LRRC28: variants seen among roughly 807,000 people sequenced by gnomAD.
The protein encoded by LRRC28 is leucine rich repeat containing 28.
A neutral mutation model predicts 45.7 loss-of-function variants in LRRC28; 39 were observed. The observed-to-expected ratio is 0.85, with a 90% CI of 0.66 to 1.12. The LOEUF (loss-of-function observed/expected upper bound fraction) is 1.12. LRRC28 is among the 50% of genes most tolerant of loss of function. The pLI is 0.00. For missense variants in LRRC28, 435 were observed against 438.5 expected (o/e 0.99, Z 0.07); for synonymous variants, 206 against 178.8 (o/e 1.15, Z -1.22).
At chr15:99,348,747 G>GT (rs34810764) in intron 6 of LRRC28, among the ~76,000 whole-genome samples, 6,824 of 115,870 alleles carry the variant, frequency 0.059, 226 homozygotes, top group South Asian at 0.11. Context: ...TTTTTTTGTT[G>GT]TTTTTTTTTT....
chr15:99,286,737 A>G (rs2081969372), intron 3 of LRRC28: 1 of 152,288 alleles, frequency 6.6e-6, no homozygotes, highest in Admixed American at 6.5e-5. Context: ...GCCATGAAAT[A>G]AATTCTGTAC....
intron 9 of LRRC28, among the ~76,000 whole-genome samples, chr15:99,379,470 G>A (rs1454798806): frequency 6.6e-6 from 1 of 151,502 alleles, no homozygotes; most frequent in Non-Finnish European, 1.5e-5. Context: ...TATCAATTTT[G>A]TTGATCTTTT....
At chr15:99,302,029 AT>A (rs66480151) in intron 5 of LRRC28, among the ~76,000 whole-genome samples, 16,004 of 143,692 alleles carry the variant, frequency 0.11, 986 homozygotes, top group African/African-American at 0.21. Flanking sequence ...TGAGTTAATA[AT>A]TTTTTTTTTT....
chr15:99,263,154 C>A (rs1190893420), intron 2 of LRRC28, among the ~76,000 whole-genome samples: 23 of 133,928 alleles, frequency 1.7e-4, no homozygotes, highest in Admixed American at 3.8e-4. Context: ...ATAAAAAATA[C>A]AAAAAAAAAA....
intron 2 of LRRC28, among the ~76,000 whole-genome samples, chr15:99,270,761 T>C (rs558353001): frequency 6.6e-6 from 1 of 152,192 alleles, no homozygotes; most frequent in East Asian, 1.9e-4. Flanking sequence ...TTGAAGGACC[T>C]GTTTTCAGTT....
chr15:99,290,933 A>C (rs1340769622), intron 5 of LRRC28, among the ~76,000 whole-genome samples: 1 of 152,062 alleles, frequency 6.6e-6, no homozygotes, highest in Non-Finnish European at 1.5e-5. Flanking sequence ...GCAGTATTGC[A>C]CTCCAGCCTG....
intron 5 of LRRC28, among the ~76,000 whole-genome samples, chr15:99,312,203 T>C (rs1389124771): frequency 6.6e-6 from 1 of 152,232 alleles, no homozygotes; most frequent in East Asian, 1.9e-4. Flanking sequence ...CTAGATATTA[T>C]AGCTTGCTAC....
At chr15:99,326,164 G>A (rs1196548906) in intron 5 of LRRC28, among the ~76,000 whole-genome samples, 2 of 151,864 alleles carry the variant, frequency 1.3e-5, no homozygotes, top group Admixed American at 1.3e-4. Context: ...CCCAGATTTG[G>A]TCATTACCCA....
intron 5 of LRRC28, among the ~76,000 whole-genome samples, chr15:99,299,937 T>C (rs1255944276): frequency 2.0e-5 from 3 of 152,172 alleles, no homozygotes; most frequent in East Asian, 3.8e-4. Context: ...ATAACAAATA[T>C]CACTAGTTGT....
chr15:99,279,300 A>AG (rs2081712447), intron 3 of LRRC28, among the ~76,000 whole-genome samples: 1 of 152,218 alleles, frequency 6.6e-6, no homozygotes, highest in South Asian at 2.1e-4. Flanking sequence ...TCTGTTCATC[A>AG]GTTGATAGAC....
At chr15:99,343,340 G>A (rs1353265701) in intron 6 of LRRC28, among the ~76,000 whole-genome samples, 1 of 152,192 alleles carries the variant, frequency 6.6e-6, no homozygotes, top group Non-Finnish European at 1.5e-5. Context: ...TTCCATGCTT[G>A]CTTTTACAGT....
intron 3 of LRRC28, among the ~76,000 whole-genome samples, chr15:99,277,792 TAAG>T (rs1243946192): frequency 2.4e-5 from 3 of 124,942 alleles, no homozygotes; most frequent in African/African-American, 7.8e-5. Context: ...TGTCTCTAAA[TAAG>T]TATGTATTTC....
intron 2 of LRRC28, among the ~76,000 whole-genome samples, chr15:99,269,552 C>T (rs969633869): frequency 3.3e-5 from 5 of 152,014 alleles, no homozygotes; most frequent in African/African-American, 9.7e-5. Context: ...TACAGGCACC[C>T]GCCATCACGC....
intron 5 of LRRC28, among the ~76,000 whole-genome samples, chr15:99,327,429 T>C (rs1597354641): frequency 6.6e-6 from 1 of 152,348 alleles, no homozygotes; most frequent in East Asian, 1.9e-4. Context: ...TTCTTGAATT[T>C]GGTAATTTGT....
chr15:99,310,146 T>C (rs1296020101), intron 5 of LRRC28, among the ~76,000 whole-genome samples: 1 of 152,256 alleles, frequency 6.6e-6, no homozygotes, highest in Non-Finnish European at 1.5e-5. Flanking sequence ...AATGGTGCTC[T>C]TAAAAACTTG....
In LRRC28 at chr15:99,295,514, G is replaced by A. The variant is rs555062245; in HGVS notation, c.385+7563G>A. On this transcript the variant is annotated intron_variant, in intron 5 of 9. Coordinates refer to ENST00000301981, the MANE Select transcript of LRRC28 (RefSeq NM_144598.5). Reference sequence around the variant, plus strand: ...ACAAAGTCCAATGGATGTTTGAGGAGACAGAAAGAACAGCCAATCTTTAAT... The same window carrying A: ...ACAAAGTCCAATGGATGTTTGAGGAAACAGAAAGAACAGCCAATCTTTAAT... 2.1e-4 allele frequency among the ~76,000 whole-genome samples: 32 copies of A among 152,304 alleles called. 1 individual carries two copies. The South Asian group carries it at 6.6e-3, about 32-fold the overall frequency.
chr15:99,386,002 G>A (rs754168111), intron 9 of LRRC28, 28 bp from the exon 10 acceptor site: 21 of 1,602,324 alleles, frequency 1.3e-5, no homozygotes, highest in Admixed American at 3.3e-5. Flanking sequence ...AACTCACAGC[G>A]TTCTTCTCTC....
chr15:99,367,057 C>T (rs1314569511), intron 9 of LRRC28, among the ~76,000 whole-genome samples: 1 of 152,188 alleles, frequency 6.6e-6, no homozygotes, highest in African/African-American at 2.4e-5. Context: ...TTTCTAGACA[C>T]TATCTTACTG....
chr15:99,262,578 T>G (rs1290551785), intron 2 of LRRC28, among the ~76,000 whole-genome samples: 7 of 152,126 alleles, frequency 4.6e-5, no homozygotes, highest in Admixed American at 4.6e-4. Flanking sequence ...TGAGACTCGG[T>G]CTCAAAAAAA....
Sources: allele counts gnomAD v4.1 joint callset (sites outside exome capture counted in the v4.1 genomes callset), GRCh38; gene constraint gnomAD v4.1.1; transcripts MANE v1.5; gene names NCBI Gene and HGNC (gene_info 2026-07-23, HGNC 2026-07-21).